IL1RAPL1: variants seen among roughly 807,000 people sequenced by gnomAD.
IL1RAPL1 encodes the protein interleukin 1 receptor accessory protein like 1.
IL1RAPL1 carries 3 observed loss-of-function variants against 48.4 expected under a neutral mutation model. That is an observed-to-expected ratio of 0.06 (90% CI 0.03 to 0.16). IL1RAPL1 has a LOEUF of 0.16. Ranked by LOEUF, IL1RAPL1 falls within the 10% of genes least tolerant of loss-of-function variation. IL1RAPL1 has a pLI of 1.00. For synonymous variants in IL1RAPL1, 185 were observed against 187.7 expected (o/e 0.99, Z 0.12); for missense variants, 349 against 530.6 (o/e 0.66, Z 3.36).
At chrX:28,777,920 A>G (rs1936376800) in intron 1 of IL1RAPL1, among the ~76,000 whole-genome samples, 1 of 111,676 alleles carries the variant, frequency 9.0e-6, no homozygotes, top group Non-Finnish European at 1.9e-5. Flanking sequence ...CACCAGATTA[A>G]TAGTACCATG....
At chrX:29,468,445 T>C (rs1393646269) in intron 5 of IL1RAPL1, among the ~76,000 whole-genome samples, 1 of 112,448 alleles carries the variant, frequency 8.9e-6, no homozygotes, top group Non-Finnish European at 1.9e-5. Context: ...TCTGCAATTC[T>C]GCAGTATTAA....
At chrX:29,709,543 G>A (rs1569151100) in intron 6 of IL1RAPL1, among the ~76,000 whole-genome samples, 1 of 110,750 alleles carries the variant, frequency 9.0e-6, no homozygotes, top group East Asian at 2.8e-4. Flanking sequence ...GTTTTGTCGG[G>A]ACCATACTGT....
chrX:29,080,128 G>T (rs1414831108), intron 2 of IL1RAPL1, among the ~76,000 whole-genome samples: 1 of 110,737 alleles, frequency 9.0e-6, no homozygotes, highest in Non-Finnish European at 1.9e-5. Context: ...TCTCACCCCT[G>T]TAATCCCAGC....
chrX:29,517,689 A>C (rs191463502), intron 5 of IL1RAPL1, among the ~76,000 whole-genome samples: 1 of 112,364 alleles, frequency 8.9e-6, no homozygotes, highest in East Asian at 2.8e-4. Context: ...TTGTTTTACT[A>C]ATTATTATAT....
intron 5 of IL1RAPL1, among the ~76,000 whole-genome samples, chrX:29,554,306 GA>G (rs1569337456): frequency 9.1e-6 from 1 of 110,468 alleles, no homozygotes; most frequent in African/African-American, 3.3e-5. Flanking sequence ...AAACTTTTAG[GA>G]AAAAAAGATT....
chrX:28,849,318 T>G (rs1276826405), intron 2 of IL1RAPL1, among the ~76,000 whole-genome samples: 1 of 111,544 alleles, frequency 9.0e-6, no homozygotes, highest in Non-Finnish European at 1.9e-5. Flanking sequence ...GAACATGCAC[T>G]TCACTGTAGT....
chrX:29,632,045 T>C (rs1924791280), intron 5 of IL1RAPL1, among the ~76,000 whole-genome samples: 1 of 111,801 alleles, frequency 8.9e-6, no homozygotes, highest in Admixed American at 9.5e-5. Context: ...TGACTAATTA[T>C]ATAGTTATAT....
At chrX:28,648,450 C>T (rs1243256712) in intron 1 of IL1RAPL1, among the ~76,000 whole-genome samples, 2 of 111,738 alleles carry the variant, frequency 1.8e-5, no homozygotes, top group African/African-American at 6.5e-5. Flanking sequence ...TTGTCATGAG[C>T]CATAAATGAA....
chrX:29,623,955 A>G (rs1924542408), intron 5 of IL1RAPL1, among the ~76,000 whole-genome samples: 1 of 112,015 alleles, frequency 8.9e-6, no homozygotes, highest in South Asian at 3.7e-4. Flanking sequence ...GAGCTTGGAC[A>G]TATTAGGAAG....
chrX:29,028,836 T>C (rs1306449193), intron 2 of IL1RAPL1, among the ~76,000 whole-genome samples: 2 of 111,294 alleles, frequency 1.8e-5, no homozygotes, highest in Non-Finnish European at 3.8e-5. Context: ...GTGCAAGATC[T>C]CATCTGGCAC....
chrX:29,879,976 T>C (rs1490327680), intron 6 of IL1RAPL1, among the ~76,000 whole-genome samples: 1 of 111,593 alleles, frequency 9.0e-6, no homozygotes, highest in Non-Finnish European at 1.9e-5. Flanking sequence ...TTTTGTATTA[T>C]AATTCACTTC....
chrX:28,675,372 C>A (rs1934986276), intron 1 of IL1RAPL1, among the ~76,000 whole-genome samples: 1 of 111,233 alleles, frequency 9.0e-6, no homozygotes. Context: ...TATTTTTTAA[C>A]CCCCGCTGTG....
At chrX:29,906,588 A>G (rs765653812) in intron 6 of IL1RAPL1, among the ~76,000 whole-genome samples, 1 of 94,112 alleles carries the variant, frequency 1.1e-5, no homozygotes, top group East Asian at 3.7e-4. Flanking sequence ...TACACCAGCT[A>G]CTTCTCTACC....
chrX:29,521,712 G>A (rs1935504938), intron 5 of IL1RAPL1, among the ~76,000 whole-genome samples: 1 of 111,586 alleles, frequency 9.0e-6, no homozygotes, highest in South Asian at 3.8e-4. Context: ...GGTGATAGAT[G>A]TCATCACCAG....
chrX:29,611,178 A>G (rs1443036769), intron 5 of IL1RAPL1, among the ~76,000 whole-genome samples: 1 of 111,502 alleles, frequency 9.0e-6, no homozygotes, highest in Admixed American at 9.5e-5. Context: ...TTCCTGATCC[A>G]GGAGATAATC....
At chrX:28,860,411 G>A (rs1921910717) in intron 2 of IL1RAPL1, among the ~76,000 whole-genome samples, 1 of 108,500 alleles carries the variant, frequency 9.2e-6, no homozygotes, top group Non-Finnish European at 1.9e-5. Context: ...ACATGTATAA[G>A]TTATTTTAGG....
chrX:28,864,496 G>A (rs1922030592), intron 2 of IL1RAPL1, among the ~76,000 whole-genome samples: 1 of 111,782 alleles, frequency 8.9e-6, no homozygotes, highest in Admixed American at 9.5e-5. Context: ...CTAAGGGAAA[G>A]AGTTATGAAA....
intron 5 of IL1RAPL1, among the ~76,000 whole-genome samples, chrX:29,562,668 G>A (rs1397639289): frequency 9.0e-6 from 1 of 111,543 alleles, no homozygotes; most frequent in Non-Finnish European, 1.9e-5. Context: ...GAGAGTATTT[G>A]TACCTGTCAT....
At chrX:28,663,085 A>T (rs760035669) in intron 1 of IL1RAPL1, among the ~76,000 whole-genome samples, 1 of 112,339 alleles carries the variant, frequency 8.9e-6, no homozygotes, top group African/African-American at 3.2e-5. Context: ...AAAAGTATTT[A>T]GAGTGACCAA....
Sources: allele counts gnomAD v4.1 joint callset (sites outside exome capture counted in the v4.1 genomes callset), GRCh38; gene constraint gnomAD v4.1.1; transcripts MANE v1.5; gene names NCBI Gene and HGNC (gene_info 2026-07-23, HGNC 2026-07-21).